PDE9A: variants seen among roughly 807,000 people sequenced by gnomAD.
PDE9A encodes phosphodiesterase 9A, also known as high affinity cGMP-specific 3',5'-cyclic phosphodiesterase 9A.
PDE9A carries 60 observed loss-of-function variants against 87.4 expected under a neutral mutation model. That is an observed-to-expected ratio of 0.69 (90% confidence interval 0.56 to 0.85). The LOEUF (loss-of-function observed/expected upper bound fraction) is 0.85. Among genes scored for constraint, PDE9A ranks in the 40% least tolerant of loss-of-function variants. PDE9A has a pLI of 0.00. For synonymous variants in PDE9A, 272 were observed against 279.4 expected (o/e 0.97, Z 0.27); for missense variants, 665 against 779.0 (o/e 0.85, Z 1.74).
intron 2 of PDE9A, 132 bp downstream of exon 2, chr21:42,686,394 C>A (rs2059476125): frequency 1.5e-6 from 1 of 689,028 alleles, no homozygotes; most frequent in Non-Finnish European, 2.5e-6. Flanking sequence ...TCTTCGAAAT[C>A]AATCAATGCG....
intron 19 of PDE9A, 108 bp from the exon 20 acceptor site, chr21:42,775,172 C>G (rs2057396348): frequency 2.0e-6 from 2 of 1,012,018 alleles, no homozygotes; most frequent in Non-Finnish European, 3.0e-6. Flanking sequence ...GAACTCCTGA[C>G]CTCGTGATCC....
intron 7 of PDE9A, chr21:42,741,705 T>TCGAAACGCCA (rs1555935490): frequency 1.5e-5 from 2 of 133,394 alleles, no homozygotes; most frequent in East Asian, 4.6e-4. Flanking sequence ...TGGAAACGCC[T>TCGAAACGCCA]CGAAACCCAC....
At chr21:42,668,887 C>G (rs1472678645) in intron 1 of PDE9A, among the ~76,000 whole-genome samples, 1 of 135,882 alleles carries the variant, frequency 7.4e-6, no homozygotes, top group Non-Finnish European at 1.5e-5. Flanking sequence ...ATTATCAGAG[C>G]TGCTCCCTCC....
At chr21:42,736,167 C>T (rs1460482333) in intron 7 of PDE9A, among the ~76,000 whole-genome samples, 3 of 152,258 alleles carry the variant, frequency 2.0e-5, no homozygotes, top group South Asian at 2.1e-4. Flanking sequence ...TCCCCCCATG[C>T]TCTTCCCGGA....
chr21:42,762,010 TG>T, intron 13 of PDE9A, 72 bp from the exon 14 acceptor site: 1 of 1,441,368 alleles, frequency 6.9e-7, no homozygotes. Flanking sequence ...CTTACATGGC[TG>T]GGTGTTGCTC....
intron 19 of PDE9A, among the ~76,000 whole-genome samples, chr21:42,774,818 G>C (rs1189378139): frequency 4.1e-5 from 6 of 144,956 alleles, no homozygotes; most frequent in Middle Eastern, 3.8e-3. Flanking sequence ...GGAGGCGGAG[G>C]TTGCAGTGAG....
chr21:42,732,770 C>A (rs1027170446), intron 6 of PDE9A, among the ~76,000 whole-genome samples: 1 of 152,120 alleles, frequency 6.6e-6, no homozygotes, highest in African/African-American at 2.4e-5. Context: ...CAAAATTAGC[C>A]GGGCGTGGTG....
intron 1 of PDE9A, among the ~76,000 whole-genome samples, chr21:42,685,467 CT>C (rs765252066): frequency 1.6e-3 from 183 of 115,888 alleles, no homozygotes; most frequent in Admixed American, 2.3e-3. Context: ...GAAAGGCAGT[CT>C]TTTTTTTTTT....
Position 42,659,024 on chromosome 21 carries a change from C to T in PDE9A, c.69+5141C>T, listed in dbSNP as rs112313834. Among the ~76,000 whole-genome samples, 1 of 152,126 alleles carries T rather than the reference C, an allele frequency of 6.6e-6. No individual in the cohort carries two copies. The highest frequency in any genetic ancestry group is 1.5e-5 in the Non-Finnish European group (1 of 68,028). ...GGCTGTGAAAAGTAGTAAGAACCCT[C>T]GGTTTTTGGTTCCTTTTTCAACCAG... is the stretch of plus-strand genomic sequence containing the variant. On this transcript the variant is annotated intron_variant, in intron 1 of 19. Transcript: ENST00000291539. This position sits in a 1 kb window ranked among gnomAD's most constrained non-coding sequence, Gnocchi z 4.1.
chr21:42,685,161 G>C lies in PDE9A; in HGVS notation c.70-1031G>C, dbSNP rs566270500. Among the ~76,000 whole-genome samples the C allele has an allele frequency of 4.6e-5, 7 of 152,306 alleles. No homozygotes were observed. In the East Asian group the frequency reaches 1.4e-3, roughly 30 times the overall value. On this transcript the variant is annotated intron_variant, in intron 1 of 19. Coordinates refer to ENST00000291539, the MANE Select transcript of PDE9A (RefSeq NM_002606.3). ...GCGGGGCCTCGGCGTGGCCCGTTCC[G>C]CGCTCTGTCCAGCCCTGGAGAAGCC...
At chr21:42,754,907 G>A (rs928501305) in intron 10 of PDE9A, among the ~76,000 whole-genome samples, 7 of 152,108 alleles carry the variant, frequency 4.6e-5, no homozygotes, top group Admixed American at 6.6e-5. Flanking sequence ...TCTCAGGTAT[G>A]TCTTTATTAA....
chr21:42,729,253 T>C (rs2051466846), intron 4 of PDE9A, among the ~76,000 whole-genome samples: 1 of 152,196 alleles, frequency 6.6e-6, no homozygotes, highest in African/African-American at 2.4e-5. Context: ...GTCCATTTTA[T>C]TGAAGATGTC....
intron 14 of PDE9A, among the ~76,000 whole-genome samples, chr21:42,763,036 G>A (rs532285931): frequency 4.3e-4 from 66 of 152,272 alleles, no homozygotes; most frequent in Non-Finnish European, 7.2e-4. Flanking sequence ...CTCTCAGGGC[G>A]TGATGGGAGG....
chr21:42,720,178 C>A (rs995802937), intron 4 of PDE9A, among the ~76,000 whole-genome samples: 1 of 152,152 alleles, frequency 6.6e-6, no homozygotes, highest in Non-Finnish European at 1.5e-5. Context: ...TTCGGTTATT[C>A]GTACCCACAC....
Position 42,751,489 on chromosome 21 carries a change from C to T in PDE9A, c.735+292C>T, listed in dbSNP as rs541884908. On this transcript the variant is annotated intron_variant, in intron 9 of 19. Coordinates refer to ENST00000291539, the MANE Select transcript of PDE9A (RefSeq NM_002606.3). ...TGGGTAGACAGTTTTTACACTCAAA[C>T]GTTACTGGAAAGAACTTTAACGTTT... Among the ~76,000 whole-genome samples the T allele has an allele frequency of 1.4e-4, 21 of 152,316 alleles. 2 individuals carry two copies. The South Asian group carries it at 4.1e-3, about 30-fold the overall frequency.
chr21:42,742,984 G>C (rs546726514), intron 7 of PDE9A, among the ~76,000 whole-genome samples: 1 of 152,140 alleles, frequency 6.6e-6, no homozygotes, highest in Admixed American at 6.5e-5. Context: ...TGTTAGTCTC[G>C]TCCCCAGGCA....
intron 7 of PDE9A, among the ~76,000 whole-genome samples, chr21:42,738,640 C>T (rs2052744725): frequency 1.3e-5 from 2 of 152,178 alleles, no homozygotes; most frequent in Admixed American, 6.5e-5. Context: ...TGCAGGTGGC[C>T]TGTGACTTGT....
At chr21:42,712,633 G>A (rs1275476027) in intron 4 of PDE9A, among the ~76,000 whole-genome samples, 7 of 152,270 alleles carry the variant, frequency 4.6e-5, no homozygotes, top group Admixed American at 3.9e-4. Context: ...CATTACATAC[G>A]ATGTTAGCCA....
At chr21:42,740,370 G>A (rs1198412264) in intron 7 of PDE9A, among the ~76,000 whole-genome samples, 1 of 151,800 alleles carries the variant, frequency 6.6e-6, no homozygotes, top group African/African-American at 2.4e-5. Context: ...CTTGAACCTA[G>A]GAGGTAAAGG....
Sources: gnomAD v4.1 joint callset for allele counts (sites outside exome capture counted in the v4.1 genomes callset) on GRCh38, gnomAD v4.1.1 for gene constraint, Gnocchi (gnomAD v3.1) non-coding constraint, MANE v1.5 for transcripts, NCBI Gene and HGNC (gene_info 2026-07-23, HGNC 2026-07-21) for gene names.